Variants in ITPRID1 observed in about 807,000 individuals in gnomAD.
The protein encoded by ITPRID1 is protein ITPRID1.
In ITPRID1, 96 loss-of-function variants were observed where a neutral mutation model predicts 95.4. The observed-to-expected ratio is 1.01, with a 90% CI of 0.85 to 1.19. The LOEUF (loss-of-function observed/expected upper bound fraction) is 1.19. Among genes scored for constraint, ITPRID1 ranks in the 50% most tolerant of loss-of-function variants. ITPRID1 has a pLI of 0.00. For missense variants in ITPRID1, 1,339 were observed against 1,252.9 expected (o/e 1.07, Z -1.04); for synonymous variants, 510 against 453.6 (o/e 1.12, Z -1.58).
rs192547362 is a variant in ITPRID1 at position 31,616,123 on chromosome 7, C to G, written c.1229-26053C>G. On this transcript the variant is annotated intron_variant, in intron 10 of 14. Transcript: ENST00000615280. ...ATGCTATGACAATGTTGCAAGGTTC[C>G]TACTGTACATGCAAAAATATAAATT... Among the ~76,000 whole-genome samples the G allele has an allele frequency of 2.7e-4, 41 of 152,216 alleles. 1 individual carries two copies. The East Asian group carries it at 7.5e-3, about 28-fold the overall frequency.
chr7:31,639,069 G>A (rs11760985), intron 10 of ITPRID1, among the ~76,000 whole-genome samples: 6 of 152,114 alleles, frequency 3.9e-5, no homozygotes, highest in East Asian at 1.9e-4. Flanking sequence ...GAGCCACTGC[G>A]CCCAGCCAGT....
At chr7:31,569,503 A>G (rs1034527511) in intron 5 of ITPRID1, among the ~76,000 whole-genome samples, 2 of 152,214 alleles carry the variant, frequency 1.3e-5, no homozygotes, top group Admixed American at 6.5e-5. Context: ...CACTTCCTCC[A>G]TGAAACCTTT....
In ITPRID1 at chr7:31,614,616, G is replaced by A. The variant is rs1161351511; in HGVS notation, c.1229-27560G>A. Among the ~76,000 whole-genome samples, 3 of 152,160 alleles carry A rather than the reference G, an allele frequency of 2.0e-5. No individual in the cohort carries two copies. The East Asian group carries it at 5.8e-4, about 29-fold the overall frequency. On this transcript the variant is annotated intron_variant, in intron 10 of 14. Transcript: ENST00000615280. ...AGTTCCTGGTACGTATGGATGCTCA[G>A]TAAACATTATGGAATTAATTGATTA...
chr7:31,558,924 T>C (rs1410007136), intron 5 of ITPRID1, among the ~76,000 whole-genome samples: 1 of 152,072 alleles, frequency 6.6e-6, no homozygotes, highest in African/African-American at 2.4e-5. Context: ...GCACATAGAG[T>C]AGATTTTAAT....
intron 10 of ITPRID1, among the ~76,000 whole-genome samples, chr7:31,606,997 G>A (rs1583565376): frequency 6.6e-6 from 1 of 152,166 alleles, no homozygotes; most frequent in African/African-American, 2.4e-5. Context: ...AGACTGCAAT[G>A]AAGCTGTCAT....
Position 31,655,750 on chromosome 7 carries a change from GC to G in ITPRID1, c.*2922del. On this transcript the variant is annotated 3_prime_UTR_variant, in exon 15 of 15. Transcript: ENST00000615280. ...TTTGTGCCTCCAAATCGTTTCCCTT[GC>G]TAAACTCCTAAGCTTTTTACTCTTT... 1 of 985,560 alleles carries G rather than the reference GC, an allele frequency of 1.0e-6. No individual in the cohort carries two copies. Among genetic ancestry groups the G allele is most frequent in the East Asian group, 1.1e-4 (1 of 8,796 alleles). The allele number at this position is 985,560 out of a possible 1,614,324, so 61.1% of individuals were successfully genotyped here. A position where few individuals can be genotyped will look rare whatever the true frequency, so the allele number is the denominator to read the frequency against.
At chr7:31,603,955 T>A (rs1341458869) in intron 10 of ITPRID1, among the ~76,000 whole-genome samples, 2 of 152,228 alleles carry the variant, frequency 1.3e-5, no homozygotes, top group African/African-American at 4.8e-5. Context: ...CCTCCTTTAG[T>A]GCTCCTGTAA....
rs115364343 is a variant in ITPRID1 at position 31,535,892 on chromosome 7, T to A, written c.-97-13534T>A. Among the ~76,000 whole-genome samples the A allele has an allele frequency of 6.0e-3, 912 of 152,206 alleles. 6 individuals are homozygous for A. The highest frequency in any genetic ancestry group is 0.019 in the African/African-American group (793 of 41,550). On this transcript the variant is annotated intron_variant, in intron 1 of 14. Transcript: ENST00000615280. ...TTCCTCTCTGTGTAGTGTGTCTTTG[T>A]CTTCTAGATACTTTTAAGATTTTTC... is the stretch of plus-strand genomic sequence containing the variant.
chr7:31,601,733 C>A (rs772341601), intron 10 of ITPRID1, among the ~76,000 whole-genome samples: 5 of 152,100 alleles, frequency 3.3e-5, no homozygotes, highest in African/African-American at 1.2e-4. Context: ...AGAAGAGGGA[C>A]GAGAGTGCCC....
At chr7:31,581,643 TATTA>T (rs1384963315) in intron 9 of ITPRID1, among the ~76,000 whole-genome samples, 3 of 152,178 alleles carry the variant, frequency 2.0e-5, no homozygotes, top group Admixed American at 6.5e-5. Flanking sequence ...TTTTATTTTT[TATTA>T]ATTAATAAGT....
intron 8 of ITPRID1, 92 bp from the exon 9 acceptor site, chr7:31,577,771 C>A: frequency 9.3e-7 from 1 of 1,069,554 alleles, no homozygotes. Flanking sequence ...TTGAAAATTT[C>A]ATGTTAACGG....
intron 10 of ITPRID1, among the ~76,000 whole-genome samples, chr7:31,584,927 C>T (rs1288611034): frequency 6.6e-6 from 1 of 152,218 alleles, no homozygotes; most frequent in African/African-American, 2.4e-5. Context: ...GTGCCACTCA[C>T]TCAGCTGCTT....
chr7:31,577,208 G>A (rs961517338), intron 8 of ITPRID1, among the ~76,000 whole-genome samples: 13 of 152,160 alleles, frequency 8.5e-5, no homozygotes, highest in South Asian at 2.1e-4. Flanking sequence ...ACATGGCATC[G>A]TGTCTTCACA....
chr7:31,624,861 G>T (rs1037189714), intron 10 of ITPRID1, among the ~76,000 whole-genome samples: 2 of 152,084 alleles, frequency 1.3e-5, no homozygotes, highest in Non-Finnish European at 2.9e-5. Flanking sequence ...AAAAATTTTC[G>T]CAACCTATTC....
chr7:31,565,609 A>G (rs1669580791), intron 5 of ITPRID1, among the ~76,000 whole-genome samples: 2 of 152,104 alleles, frequency 1.3e-5, no homozygotes, highest in African/African-American at 4.8e-5. Context: ...GTTGTGGCAC[A>G]TGCTTGTAAT....
Position 31,642,821 on chromosome 7 carries a change from C to G in ITPRID1, c.1451C>G (p.Ser484Cys), listed in dbSNP as rs115087893. 28 of 1,613,814 alleles carry G rather than the reference C, an allele frequency of 1.7e-5. No individual in the cohort carries two copies. The highest frequency in any genetic ancestry group is 2.7e-5 in the African/African-American group (2 of 75,040). The stretch of plus-strand genomic sequence containing the variant: ...GATTCCAAAAGTAGGGCGAGCATGT[C>G]TTTTTCAAGCCAAGAAGCGAATGCC... Reference protein sequence around the residue: ...GPDSKSRASMSFSSQEANALE... With the variant: ...GPDSKSRASMCFSSQEANALE... Residue 484 changes from serine to cysteine, a missense_variant, in exon 12 of 15, where the codon TCT becomes TGT. Physicochemically the swap from Ser to Cys is moderately radical, Grantham distance 112. Transcript: ENST00000615280.
chr7:31,621,151 G>T (rs1787842619), intron 10 of ITPRID1, among the ~76,000 whole-genome samples: 1 of 150,744 alleles, frequency 6.6e-6, no homozygotes, highest in Non-Finnish European at 1.5e-5. Context: ...TGAAAGTGAT[G>T]GGGAGAATGG....
chr7:31,652,578 T>C lies in ITPRID1; in HGVS notation c.2884T>C (p.Trp962Arg), dbSNP rs1791060068. ...EHYSNLHQYN[W>R]IEESNGQTSC... ...CTATTCAAATCTGCATCAATATAAC[T>C]GGATAGAAGAAAGCAATGGGCAGAC... The change falls in exon 15 of 15, where the codon TGG becomes CGG. Residue 962 changes from tryptophan to arginine, a missense_variant. Transcript: ENST00000615280. 6.2e-7 allele frequency: 1 copy of C among 1,611,746 alleles called. No individual in the cohort carries two copies. The highest frequency in any genetic ancestry group is 1.7e-5 in the Admixed American group (1 of 59,608).
chr7:31,616,779 G>A (rs534060512), intron 10 of ITPRID1, among the ~76,000 whole-genome samples: 23 of 148,120 alleles, frequency 1.6e-4, no homozygotes, highest in Non-Finnish European at 3.1e-4. Flanking sequence ...AAACCAAAAA[G>A]GTTTCTAAAT....
Sources: gnomAD v4.1 joint callset for allele counts (sites outside exome capture counted in the v4.1 genomes callset) on GRCh38, gnomAD v4.1.1 for gene constraint, MANE v1.5 for transcripts, NCBI Gene and HGNC (gene_info 2026-07-23, HGNC 2026-07-21) for gene names.